Variants in TNRC6A observed in about 807,000 individuals in gnomAD.
TNRC6A encodes trinucleotide repeat-containing gene 6A protein.
Under a neutral mutation model 221.2 loss-of-function variants are expected in TNRC6A, and 44 were observed. The observed-to-expected ratio is 0.20, with a 90% CI of 0.16 to 0.26. The LOEUF (loss-of-function observed/expected upper bound fraction) is 0.26, where lower values mean the gene tolerates loss of function less well. Ranked by LOEUF, TNRC6A falls within the 10% of genes least tolerant of loss-of-function variation. The pLI, the probability that TNRC6A is intolerant of heterozygous loss-of-function variation, is 1.00. For synonymous variants in TNRC6A, 847 were observed against 838.5 expected, an observed-to-expected ratio of 1.01 and a Z score of -0.18; for missense variants, 2,199 against 2,404.4, an observed-to-expected ratio of 0.91 and a Z score of 1.79.
chr16:24,669,410 G>T (rs1162301128), intron 2 of TNRC6A, among the ~76,000 whole-genome samples: 1 of 151,882 alleles, frequency 6.6e-6, no homozygotes, highest in Non-Finnish European at 1.5e-5. Flanking sequence ...GATCACTTGA[G>T]CCCAGGAGGC....
At chr16:24,630,193 A>G (rs1033777089) in intron 1 of TNRC6A, among the ~76,000 whole-genome samples, 2 of 152,164 alleles carry the variant, frequency 1.3e-5, no homozygotes, top group Admixed American at 6.5e-5. Context: ...CTTTTATAGT[A>G]GAGGAATTCT....
rs573417079 is a variant in TNRC6A, at chr16:24,742,295, G to A, written c.54-8431G>A. On this transcript the variant is annotated intron_variant, in intron 2 of 24. Coordinates refer to ENST00000395799, the MANE Select transcript of TNRC6A (RefSeq NM_014494.4). ...AAATAAATTGCTTAAGGTTACACAC[G>A]TAGATGGTGGAATTGAGGTTTAAGA... 3.3e-5 allele frequency among the ~76,000 whole-genome samples: 5 copies of A among 152,320 alleles called. No individual in the cohort carries two copies. In the South Asian group the frequency reaches 1.0e-3, roughly 32 times the overall value.
chr16:24,636,155 C>T (rs1190130165), intron 1 of TNRC6A, among the ~76,000 whole-genome samples: 1 of 152,194 alleles, frequency 6.6e-6, no homozygotes, highest in Non-Finnish European at 1.5e-5. Flanking sequence ...GGATTTTCAT[C>T]AGGAATGTGT....
At chr16:24,637,614 G>A (rs1414993490) in intron 1 of TNRC6A, among the ~76,000 whole-genome samples, 1 of 152,286 alleles carries the variant, frequency 6.6e-6, no homozygotes, top group South Asian at 2.1e-4. Context: ...TGGGAAGGAA[G>A]GTCCCATGTG....
At chr16:24,766,263 G>C (rs755747016) in intron 4 of TNRC6A, among the ~76,000 whole-genome samples, 1 of 152,148 alleles carries the variant, frequency 6.6e-6, no homozygotes, top group East Asian at 1.9e-4. Context: ...AACTGCATTT[G>C]CCTCATCTGT....
chr16:24,712,733 T>C (rs936198371), intron 2 of TNRC6A, among the ~76,000 whole-genome samples: 1 of 152,194 alleles, frequency 6.6e-6, no homozygotes, highest in African/African-American at 2.4e-5. Flanking sequence ...TTCTCTATGC[T>C]TGAAGAATCT....
chr16:24,804,242 A>G lies in TNRC6A; in HGVS notation c.3760A>G (p.Thr1254Ala), dbSNP rs2058384010. 6.2e-7 allele frequency: 1 copy of G among 1,613,740 alleles called. No homozygotes were observed. Among genetic ancestry groups the G allele is most frequent in the Non-Finnish European group, 8.5e-7 (1 of 1,179,962 alleles). Reference protein sequence around the residue: ...HSLNIGDYNRTVGKGPGSRPQ... With the variant: ...HSLNIGDYNRAVGKGPGSRPQ... ...CCTAAATATTGGTGATTACAATCGA[A>G]CGGTCGGGAAAGGCCCTGGTTCTCG... is the stretch of plus-strand genomic sequence containing the variant. Residue 1254 changes from threonine (T) to alanine (A), a missense_variant, in exon 12 of 25, where the codon ACG becomes GCG. Transcript: ENST00000395799.
intron 5 of TNRC6A, 35 bp downstream of exon 5, chr16:24,777,393 TATC>T (rs758875571): frequency 3.2e-6 from 5 of 1,572,986 alleles, no homozygotes; most frequent in Admixed American, 1.7e-5. Flanking sequence ...ACTCACACCT[TATC>T]ATCATTAGCT....
At chr16:24,757,244 C>A (rs1028496999) in intron 3 of TNRC6A, among the ~76,000 whole-genome samples, 5 of 151,630 alleles carry the variant, frequency 3.3e-5, no homozygotes, top group Non-Finnish European at 7.4e-5. Flanking sequence ...TGGAGCAAGA[C>A]TCCCTGGCTT....
At chr16:24,705,024 A>G (rs2056069471) in intron 2 of TNRC6A, among the ~76,000 whole-genome samples, 2 of 152,162 alleles carry the variant, frequency 1.3e-5, no homozygotes, top group Non-Finnish European at 2.9e-5. Context: ...TAAAAAGCTT[A>G]GCGCAAGTGG....
At chr16:24,652,853 G>C (rs149904580) in intron 2 of TNRC6A, among the ~76,000 whole-genome samples, 1 of 152,134 alleles carries the variant, frequency 6.6e-6, no homozygotes, top group Non-Finnish European at 1.5e-5. Context: ...TGGATTGATC[G>C]TTTAATCCTT....
chr16:24,804,034 A>T, intron 11 of TNRC6A, 143 bp from the exon 12 acceptor site: 1 of 759,864 alleles, frequency 1.3e-6, no homozygotes, highest in Non-Finnish European at 2.0e-6. Context: ...AAAATTTATG[A>T]AATGGAAGTG....
At chr16:24,642,886 T>A (rs887280745) in intron 2 of TNRC6A, among the ~76,000 whole-genome samples, 2 of 150,342 alleles carry the variant, frequency 1.3e-5, no homozygotes, top group African/African-American at 4.9e-5. Flanking sequence ...CTACAAAAAA[T>A]TTTTAAACTT....
intron 18 of TNRC6A, among the ~76,000 whole-genome samples, chr16:24,811,687 C>T (rs1331305449): frequency 6.6e-6 from 1 of 151,056 alleles, no homozygotes; most frequent in Non-Finnish European, 1.5e-5. Flanking sequence ...CCTCTGGGTG[C>T]AGTGTGGAGA....
chr16:24,787,218 A>G (rs1468351197), intron 5 of TNRC6A, among the ~76,000 whole-genome samples: 1 of 152,218 alleles, frequency 6.6e-6, no homozygotes, highest in African/African-American at 2.4e-5. Flanking sequence ...CAGGTTAAGA[A>G]GTATTGTTTA....
intron 2 of TNRC6A, among the ~76,000 whole-genome samples, chr16:24,702,995 A>G (rs947692349): frequency 3.9e-5 from 6 of 152,116 alleles, no homozygotes; most frequent in African/African-American, 1.4e-4. Context: ...AGATCGCGCC[A>G]CTGCACTCCA....
intron 4 of TNRC6A, among the ~76,000 whole-genome samples, chr16:24,769,998 T>C (rs2057556360): frequency 6.6e-6 from 1 of 152,130 alleles, no homozygotes; most frequent in Non-Finnish European, 1.5e-5. Context: ...TTGACTGCAT[T>C]GTAAGGGATT....
intron 10 of TNRC6A, 29 bp from the exon 11 acceptor site, chr16:24,797,886 T>C: frequency 6.3e-7 from 1 of 1,587,022 alleles, no homozygotes; most frequent in Non-Finnish European, 8.6e-7. Context: ...AATTAAGGTC[T>C]GCTAACATGC....
chr16:24,803,971 A>T (rs2058378353), intron 11 of TNRC6A: 1 of 502,208 alleles, frequency 2.0e-6, no homozygotes, highest in South Asian at 3.4e-5. Flanking sequence ...CAAGTTAATT[A>T]TTTCAGTAAA....
Sources: allele counts gnomAD v4.1 joint callset (sites outside exome capture counted in the v4.1 genomes callset), GRCh38; gene constraint gnomAD v4.1.1; transcripts MANE v1.5; gene names NCBI Gene and HGNC (gene_info 2026-07-23, HGNC 2026-07-21).